Variants in ANK2 observed in about 807,000 individuals in gnomAD.
The protein encoded by ANK2 is ankyrin 2.
A neutral mutation model predicts 360.5 loss-of-function variants in ANK2; 83 were observed. The ratio of observed to expected loss-of-function variants is 0.23; its 90% confidence interval spans 0.19 to 0.28. The LOEUF (loss-of-function observed/expected upper bound fraction) is 0.28, where lower values mean the gene tolerates loss of function less well. Among genes scored for constraint, ANK2 ranks in the 10% least tolerant of loss-of-function variants. The pLI, the probability that ANK2 is intolerant of heterozygous loss-of-function variation, is 1.00. For synonymous variants in ANK2, 1,740 were observed against 1,759.5 expected (o/e 0.99, Z 0.28); for missense variants, 4,201 against 4,795.7 (o/e 0.88, Z 3.66).
upstream of ANK2, among the ~76,000 whole-genome samples, chr4:113,048,626 A>T (rs1456146640): frequency 6.6e-6 from 1 of 151,848 alleles, no homozygotes; most frequent in Non-Finnish European, 1.5e-5. Flanking sequence ...CAATAAGTGA[A>T]TTTGGGTTTC....
chr4:113,069,910 G>A (rs1166477778), intron 1 of ANK2: 3 of 152,090 alleles, frequency 2.0e-5, no homozygotes, highest in Non-Finnish European at 4.4e-5. Flanking sequence ...TGTTTTCTAG[G>A]CATAGGGATT....
At chr4:112,839,322 A>G (rs1560737704) in intron 1 of ANK2, among the ~76,000 whole-genome samples, 1 of 152,192 alleles carries the variant, frequency 6.6e-6, no homozygotes, top group Non-Finnish European at 1.5e-5. Flanking sequence ...TAAACTGGAA[A>G]AGAACAATTG....
At chr4:113,110,665 A>ACAC (rs2094192412) in intron 1 of ANK2, among the ~76,000 whole-genome samples, 2 of 152,284 alleles carry the variant, frequency 1.3e-5, no homozygotes, top group South Asian at 4.1e-4. Context: ...TAGCACTTCA[A>ACAC]TTCTCTGGTG....
intron 2 of ANK2, among the ~76,000 whole-genome samples, chr4:112,915,993 A>T (rs1310387522): frequency 6.6e-6 from 1 of 152,136 alleles, no homozygotes; most frequent in Non-Finnish European, 1.5e-5. Context: ...ATTCCTGCGT[A>T]ACTCTTTGGT....
rs749143768 is a variant in ANK2, at chr4:113,277,915, G to T, written c.1762G>T (p.Ala588Ser). 1 of 1,613,852 alleles carries T rather than the reference G, an allele frequency of 6.2e-7. No homozygotes were observed. The highest frequency in any genetic ancestry group is 1.3e-5 in the African/African-American group (1 of 75,042). ...VAKLLLQRRA[A>S]ADSAGKNGLT... ...AAAACTTCTCTTGCAACGCCGTGCTGCCGCAGATTCTGCAGGGAAGGTAAA... is the reference window on the plus strand; with the variant it reads ...AAAACTTCTCTTGCAACGCCGTGCTTCCGCAGATTCTGCAGGGAAGGTAAA... Residue 588 changes from alanine to serine, a missense_variant, in exon 16 of 46, where the codon GCC (alanine) becomes TCC (serine). Around this residue, in one of 4 missense-constraint regions of ANK2, gnomAD observed 1,268 missense variants for 1,650.8 expected, o/e 0.77. Transcript: ENST00000357077.
chr4:113,278,267 T>C (rs562633075), intron 16 of ANK2, among the ~76,000 whole-genome samples, 193 bp from the exon 17 acceptor site: 1 of 152,348 alleles, frequency 6.6e-6, no homozygotes, highest in East Asian at 1.9e-4. Flanking sequence ...GCTGGTGGTA[T>C]GCTCATTTTC....
chr4:112,810,750 C>A, the ANK2 span, among the ~76,000 whole-genome samples: 1 of 151,836 alleles, frequency 6.6e-6, no homozygotes, highest in Admixed American at 6.6e-5. Context: ...CGAGGTTTCA[C>A]CATGTTGGCC....
intron 2 of ANK2, among the ~76,000 whole-genome samples, chr4:112,968,816 T>G (rs2038340615): frequency 6.6e-6 from 1 of 152,252 alleles, no homozygotes. Flanking sequence ...TTACTTGCCC[T>G]ATAGTTGTTC....
intron 1 of ANK2, among the ~76,000 whole-genome samples, chr4:113,123,625 T>C (rs2095498912): frequency 6.6e-6 from 1 of 152,188 alleles, no homozygotes; most frequent in Non-Finnish European, 1.5e-5. Flanking sequence ...GCTGTGATTT[T>C]AAATGTTTAT....
At chr4:112,730,360 G>A in the ANK2 span, among the ~76,000 whole-genome samples, 1 of 151,542 alleles carries the variant, frequency 6.6e-6, no homozygotes, top group Admixed American at 6.6e-5. Context: ...TTGCTGGCCA[G>A]GCGCAGTGGC....
At chr4:112,904,818 A>G (rs1331066382) in intron 2 of ANK2, among the ~76,000 whole-genome samples, 1 of 152,140 alleles carries the variant, frequency 6.6e-6, no homozygotes, top group East Asian at 1.9e-4. Context: ...CAATAGACAT[A>G]ATAAACACAT....
At chr4:112,878,358 C>A (rs1303217139) in intron 1 of ANK2, among the ~76,000 whole-genome samples, 1 of 151,932 alleles carries the variant, frequency 6.6e-6, no homozygotes, top group Non-Finnish European at 1.5e-5. Flanking sequence ...TGGAGTTTTG[C>A]TCTTGTTGCC....
At chr4:112,733,419 A>G in the ANK2 span, among the ~76,000 whole-genome samples, 1 of 152,120 alleles carries the variant, frequency 6.6e-6, no homozygotes. Flanking sequence ...TCTGCTCCAT[A>G]TGTAGCCCAT....
In ANK2 at chr4:113,360,827, A is replaced by G. The variant is rs754486361; in HGVS notation, c.10686A>G (p.Pro3562=). 1 of 1,612,444 alleles carries G rather than the reference A, an allele frequency of 6.2e-7. No individual in the cohort carries two copies. The highest frequency in any genetic ancestry group is 1.1e-5 in the South Asian group (1 of 90,882). ...DENGHDHAED[P]QDEQERIEER... ...TCTGTTTTTGACCTTCTCCAGATCC[A>G]CAGGATGAGCAGGAACGGATCGAGG... The change falls in exon 39 of 46, where the codon CCA becomes CCG. Residue 3562 remains proline (P), a synonymous_variant. Transcript: ENST00000357077.
chr4:113,279,062 G>A (rs1180425226), intron 17 of ANK2, among the ~76,000 whole-genome samples: 1 of 151,910 alleles, frequency 6.6e-6, no homozygotes, highest in Admixed American at 6.6e-5. Context: ...CCTTTTTGGT[G>A]TATATCTAGC....
At chr4:112,909,548 G>A (rs1190703265) in intron 2 of ANK2, among the ~76,000 whole-genome samples, 3 of 151,544 alleles carry the variant, frequency 2.0e-5, no homozygotes, top group Non-Finnish European at 4.4e-5. Context: ...CTATTTTTTT[G>A]TTTTGTTTTG....
intron 1 of ANK2, 47 bp downstream of exon 1, chr4:113,049,859 G>A (rs2066139094): frequency 5.6e-6 from 9 of 1,599,166 alleles, no homozygotes; most frequent in African/African-American, 1.3e-5. Flanking sequence ...ATGTATGTGT[G>A]TGCATGTGTG....
rs78226000 is a variant in ANK2, at chr4:113,068,894, T to C, written c.84+19082T>C. 4.8e-3 allele frequency among the ~76,000 whole-genome samples: 723 copies of C among 152,062 alleles called. 10 individuals carry two copies. The highest frequency in any genetic ancestry group is 0.016 in the African/African-American group (681 of 41,494). On this transcript the variant is annotated intron_variant, in intron 1 of 45. Transcript: ENST00000357077. ...TGGGCAACATAGTGAGACCCTCATC[T>C]GTACAAAAAGTTTTCAAAATTAGCT...
chr4:113,302,665 A>C, intron 22 of ANK2, 102 bp from the exon 23 acceptor site: 8 of 896,628 alleles, frequency 8.9e-6, no homozygotes, highest in Non-Finnish European at 1.5e-5. Context: ...TCATGGCTCG[A>C]TGGCTTGCTG....
Sources: gnomAD v4.1 joint callset for allele counts (sites outside exome capture counted in the v4.1 genomes callset) on GRCh38, gnomAD v4.1.1 for gene constraint, gnomAD v4.1.1 regional missense constraint, MANE v1.5 for transcripts, NCBI Gene and HGNC (gene_info 2026-07-23, HGNC 2026-07-21) for gene names.